CHST8: variants seen among roughly 807,000 people sequenced by gnomAD.
CHST8 encodes carbohydrate sulfotransferase 8, also known as GALNAC-4-ST1.
Under a neutral mutation model 15.0 loss-of-function variants are expected in CHST8, and 10 were observed. The ratio of observed to expected loss-of-function variants is 0.67; its 90% CI spans 0.41 to 1.13. The LOEUF is 1.13. Ranked by LOEUF, CHST8 falls within the 50% of genes most tolerant of loss-of-function variation. CHST8 has a pLI of 0.00. For synonymous variants in CHST8, 259 were observed against 256.6 expected, an observed-to-expected ratio of 1.01 and a Z score of -0.09; for missense variants, 634 against 608.2, an observed-to-expected ratio of 1.04 and a Z score of -0.45.
Position 33,653,629 on chromosome 19 carries a change from C to A in CHST8, c.-163-14138C>A, listed in dbSNP as rs556597755. Among the ~76,000 whole-genome samples, 3 of 152,268 alleles carry A rather than the reference C, an allele frequency of 2.0e-5. No individual in the cohort carries two copies. In the East Asian group the frequency reaches 5.8e-4, roughly 29 times the overall value. On this transcript the variant is annotated intron_variant, in intron 1 of 4. Coordinates refer to ENST00000650847, the MANE Select transcript of CHST8 (RefSeq NM_001127895.2). ...GACAGTAAAGCACGGTGGTTAAGAA[C>A]ACGGACTCTGGAGATAGTTTCTTGG...
intron 3 of CHST8, among the ~76,000 whole-genome samples, chr19:33,713,034 G>A (rs535992366): frequency 6.6e-6 from 1 of 152,084 alleles, no homozygotes. Context: ...GCTGGGCATC[G>A]TTGATGAGGT....
At chr19:33,719,137 C>T (rs1465576948) in intron 3 of CHST8, among the ~76,000 whole-genome samples, 1 of 152,110 alleles carries the variant, frequency 6.6e-6, no homozygotes, top group Non-Finnish European at 1.5e-5. Context: ...CGGGTGTCTA[C>T]CACCTCCAAA....
intron 3 of CHST8, among the ~76,000 whole-genome samples, chr19:33,753,028 C>T (rs923908155): frequency 3.9e-5 from 6 of 152,160 alleles, no homozygotes; most frequent in Non-Finnish European, 8.8e-5. Context: ...CACAGCCTTC[C>T]CTGCAGCCAG....
intron 3 of CHST8, among the ~76,000 whole-genome samples, chr19:33,744,910 G>A (rs189998866): frequency 7.4e-4 from 112 of 152,114 alleles, no homozygotes; most frequent in Middle Eastern, 6.8e-3. Flanking sequence ...CACCACACTC[G>A]GCTAATTTTT....
chr19:33,714,291 A>G (rs1170946785), intron 3 of CHST8, among the ~76,000 whole-genome samples: 1 of 152,172 alleles, frequency 6.6e-6, no homozygotes. Flanking sequence ...AAAATCTGGT[A>G]CATATATACC....
At chr19:33,736,533 C>A (rs1443829001) in intron 3 of CHST8, among the ~76,000 whole-genome samples, 1 of 152,136 alleles carries the variant, frequency 6.6e-6, no homozygotes, top group Non-Finnish European at 1.5e-5. Flanking sequence ...CAAGCTCAGA[C>A]AAGATGCATA....
intron 3 of CHST8, among the ~76,000 whole-genome samples, chr19:33,695,562 C>G (rs112101305): frequency 6.6e-6 from 1 of 151,898 alleles, no homozygotes; most frequent in Non-Finnish European, 1.5e-5. Context: ...TTGTCCCTCA[C>G]CCCCCATCCC....
chr19:33,643,154 CT>C (rs543091876), intron 1 of CHST8, among the ~76,000 whole-genome samples: 54 of 152,322 alleles, frequency 3.5e-4, no homozygotes, highest in Non-Finnish European at 6.6e-4. Flanking sequence ...ACTTTTAGTA[CT>C]TCCCAACAAA....
intron 3 of CHST8, among the ~76,000 whole-genome samples, chr19:33,710,657 T>A (rs186558491): frequency 6.6e-6 from 1 of 152,310 alleles, no homozygotes; most frequent in Non-Finnish European, 1.5e-5. Flanking sequence ...CTAGCTAAGA[T>A]TTTTGAATTA....
In CHST8 at chr19:33,689,333, C is replaced by T; in HGVS notation, c.72C>T (p.Gly24=). The T allele has an allele frequency of 6.2e-7, 1 of 1,609,600 alleles. No homozygotes were observed. The highest frequency in any genetic ancestry group is 8.5e-7 in the Non-Finnish European group (1 of 1,178,776). The change falls in exon 3 of 5, where the codon GGC becomes GGT. Residue 24 remains glycine (G), a synonymous_variant. Transcript: ENST00000650847. ...FSSILLFGAA[G]LLLFISLQDP... is the part of the protein sequence containing the mutation. ...CCATCCTGCTGTTCGGAGCTGCAGG[C>T]CTCCTCCTCTTCATCAGCCTGCAGG...
chr19:33,693,008 CTTTT>C (rs371300363), intron 3 of CHST8, among the ~76,000 whole-genome samples: 1 of 140,902 alleles, frequency 7.1e-6, no homozygotes. Context: ...TTCTTTCTTT[CTTTT>C]TTTTTTTTTT....
chr19:33,769,383 G>T (rs1974919204), intron 3 of CHST8, among the ~76,000 whole-genome samples: 1 of 152,212 alleles, frequency 6.6e-6, no homozygotes, highest in Admixed American at 6.5e-5. Flanking sequence ...CAAGCAGAGT[G>T]ATTTCCCATA....
chr19:33,714,983 C>CCCCT (rs1973638519), intron 3 of CHST8, among the ~76,000 whole-genome samples: 1 of 152,186 alleles, frequency 6.6e-6, no homozygotes, highest in East Asian at 1.9e-4. Flanking sequence ...ATCCAGCCAG[C>CCCCT]CCCTCCCTCC....
intron 3 of CHST8, among the ~76,000 whole-genome samples, chr19:33,703,087 C>T (rs1973376182): frequency 6.6e-6 from 1 of 152,238 alleles, no homozygotes; most frequent in Non-Finnish European, 1.5e-5. Flanking sequence ...CCCAGGGCAG[C>T]TGCCGTGGAG....
chr19:33,738,142 C>T (rs1308412279), intron 3 of CHST8, among the ~76,000 whole-genome samples: 1 of 152,112 alleles, frequency 6.6e-6, no homozygotes, highest in African/African-American at 2.4e-5. Context: ...TCAAAACCTC[C>T]CAGGGGTGGA....
At chr19:33,733,259 A>T (rs1461148110) in intron 3 of CHST8, among the ~76,000 whole-genome samples, 6 of 131,286 alleles carry the variant, frequency 4.6e-5, no homozygotes, top group Non-Finnish European at 6.3e-5. Flanking sequence ...TTTGAGATGG[A>T]GTCTTGCTCT....
intron 1 of CHST8, among the ~76,000 whole-genome samples, chr19:33,634,747 G>T (rs912339272): frequency 6.8e-5 from 10 of 147,304 alleles, no homozygotes; most frequent in Non-Finnish European, 1.5e-4. Flanking sequence ...GTGTCACAAT[G>T]CCCAGAATAG....
In CHST8 at chr19:33,624,595, G is replaced by T. The variant is rs146445347; in HGVS notation, c.-164+2299G>T. Among the ~76,000 whole-genome samples, 7 of 152,256 alleles carry T rather than the reference G, an allele frequency of 4.6e-5. No homozygotes were observed. The East Asian group carries it at 1.3e-3, about 29-fold the overall frequency. On this transcript the variant is annotated intron_variant, in intron 1 of 4. Transcript: ENST00000650847. ...AAAGTTCAAAAACGACTTTTTTGCC[G>T]TATGGTTGTTGAGAAAGTGTGTCTG...
At chr19:33,639,086 C>CAAA (rs34970478) in intron 1 of CHST8, among the ~76,000 whole-genome samples, 76 of 64,572 alleles carry the variant, frequency 1.2e-3, no homozygotes, top group East Asian at 4.3e-3. Context: ...TGATCCTGAC[C>CAAA]AAAAAAAAAA....
Sources: allele counts gnomAD v4.1 joint callset (sites outside exome capture counted in the v4.1 genomes callset), GRCh38; gene constraint gnomAD v4.1.1; transcripts MANE v1.5; gene names NCBI Gene and HGNC (gene_info 2026-07-23, HGNC 2026-07-21).